Variants in MMP28 observed in about 807,000 individuals in gnomAD.
The protein encoded by MMP28 is matrix metalloproteinase-28.
Under a neutral mutation model 60.5 loss-of-function variants are expected in MMP28, and 55 were observed. That is an observed-to-expected ratio of 0.91 (90% CI 0.73 to 1.14). MMP28 has a LOEUF of 1.14. MMP28 is among the 50% of genes most tolerant of loss of function. The pLI is 0.00. For missense variants in MMP28, 686 were observed against 738.3 expected (o/e 0.93, Z 0.82); for synonymous variants, 318 against 312.5 (o/e 1.02, Z -0.18).
chr17:35,774,435 T>C (rs569379127), intron 3 of MMP28, among the ~76,000 whole-genome samples: 7 of 152,268 alleles, frequency 4.6e-5, no homozygotes, highest in South Asian at 2.1e-4. Context: ...AATGAGTAAG[T>C]AGCTGAGGCA....
intron 1 of MMP28, among the ~76,000 whole-genome samples, chr17:35,787,706 C>G (rs1276884872): frequency 1.3e-5 from 2 of 152,118 alleles, no homozygotes; most frequent in Non-Finnish European, 2.9e-5. Context: ...CCAGGCTGGT[C>G]TCAAACTCCT....
chr17:35,759,638 T>C (rs1598402402), intron 2 of MMP28, among the ~76,000 whole-genome samples: 1 of 151,940 alleles, frequency 6.6e-6, no homozygotes, highest in African/African-American at 2.4e-5. Context: ...GAGGCAGAGG[T>C]TGCAGTGAGC....
intron 1 of MMP28, among the ~76,000 whole-genome samples, chr17:35,788,605 A>G (rs2086723118): frequency 6.6e-6 from 1 of 152,140 alleles, no homozygotes; most frequent in African/African-American, 2.4e-5. Flanking sequence ...TTTCTGACTC[A>G]CAAAAAGTCA....
At chr17:35,775,359 C>T (rs1555607336) in intron 3 of MMP28, among the ~76,000 whole-genome samples, 1 of 152,228 alleles carries the variant, frequency 6.6e-6, no homozygotes, top group Non-Finnish European at 1.5e-5. Context: ...ACCCAAACTC[C>T]TGGCCAGGGA....
At chr17:35,767,088 TGTCTA>T in intron 7 of MMP28, 194 bp from the exon 8 acceptor site, 2 of 717,350 alleles carry the variant, frequency 2.8e-6, no homozygotes, top group Non-Finnish European at 5.0e-6. Context: ...TATTATTTAT[TGTCTA>T]GACTCCCAGC....
chr17:35,770,224 C>T lies in MMP28; in HGVS notation c.693G>A (p.Gly231=). ...GCGCCAGCACCACGAACAGGTTGCG[C>T]CCGCGGCGGCGGCTCAGGGACCAGC... ...DERWSLSRRR[G]RNLFVVLAHE... is the part of the protein sequence containing the mutation. The change falls in exon 5 of 8, where the codon GGG becomes GGA. Residue 231 remains glycine, a synonymous_variant. Coordinates refer to ENST00000605424, the MANE Select transcript of MMP28 (RefSeq NM_024302.5). 6.3e-7 allele frequency: 1 copy of T among 1,596,414 alleles called. No homozygotes were observed.
chr17:35,768,151 C>A, intron 6 of MMP28, 79 bp downstream of exon 6: 1 of 1,500,172 alleles, frequency 6.7e-7, no homozygotes. Context: ...TCCATCCCCC[C>A]AACTTGTACT....
chr17:35,776,163 C>T (rs554998627), intron 3 of MMP28, among the ~76,000 whole-genome samples: 9 of 150,716 alleles, frequency 6.0e-5, no homozygotes, highest in African/African-American at 2.0e-4. Context: ...TGTGAGCCAC[C>T]GCGCCCAGGC....
At chr17:35,760,990 C>T (rs1555601393), downstream of MMP28, 8 of 1,602,392 alleles carry the variant, frequency 5.0e-6, no homozygotes, top group Admixed American at 6.8e-5. Context: ...GGCTGGAGGA[C>T]AGGACCTCTT....
At chr17:35,791,354 T>C (rs576657471) in intron 1 of MMP28, among the ~76,000 whole-genome samples, 29 of 151,772 alleles carry the variant, frequency 1.9e-4, no homozygotes, top group South Asian at 8.4e-4. Context: ...CTGGGCAACA[T>C]GGGGAGACCT....
chr17:35,784,741 C>A (rs2086601914), intron 1 of MMP28, among the ~76,000 whole-genome samples: 1 of 152,176 alleles, frequency 6.6e-6, no homozygotes, highest in African/African-American at 2.4e-5. Flanking sequence ...TCCTTCTAGG[C>A]TTCCATTGTC....
At chr17:35,767,310 A>C (rs569875914) in intron 7 of MMP28, among the ~76,000 whole-genome samples, 1 of 152,358 alleles carries the variant, frequency 6.6e-6, no homozygotes, top group South Asian at 2.1e-4. Context: ...CCTAAGTATT[A>C]ACATGTATCT....
Position 35,779,029 on chromosome 17 carries a change from G to A in MMP28, c.238C>T (p.Arg80Cys), listed in dbSNP as rs373463098. 2.0e-5 allele frequency: 32 copies of A among 1,614,004 alleles called. No individual in the cohort carries two copies. Among genetic ancestry groups the A allele is most frequent in the East Asian group, 4.5e-5 (2 of 44,876 alleles). ...CGAGTCATCTGGCGCAGGGTGGCGCGGTCCAACACGCCGCTGACAGGTAGC... is the reference window on the plus strand; with the variant it reads ...CGAGTCATCTGGCGCAGGGTGGCGCAGTCCAACACGCCGCTGACAGGTAGC... ...SQLPVSGVLD[R>C]ATLRQMTRPR... The change falls in exon 3 of 8, where the codon CGC (arginine) becomes TGC (cysteine). Residue 80 changes from arginine to cysteine, a missense_variant. Coordinates refer to ENST00000605424, the MANE Select transcript of MMP28 (RefSeq NM_024302.5).
chr17:35,773,226 G>A lies in MMP28; in HGVS notation c.558C>T (p.Phe186=), dbSNP rs2086217090. 6.2e-7 allele frequency: 1 copy of A among 1,614,078 alleles called. No individual in the cohort carries two copies. The highest frequency in any genetic ancestry group is 8.5e-7 in the Non-Finnish European group (1 of 1,179,908). ...CCAGCCCATCGTTGTGGTCCCCTTG[G>A]AAGAAGGTGAGCCGGATGTCAGCGG... ...TGPADIRLTF[F]QGDHNDGLGN... Residue 186 remains phenylalanine (F), a synonymous_variant, in exon 4 of 8, where the codon TTC becomes TTT. Coordinates refer to ENST00000605424, the MANE Select transcript of MMP28 (RefSeq NM_024302.5).
At position 35,768,255 on chromosome 17, in the gene MMP28, G is replaced by T; in HGVS notation, c.975C>A (p.His325Gln). 1 of 1,610,008 alleles carries T rather than the reference G, an allele frequency of 6.2e-7. No individual in the cohort carries two copies. Among genetic ancestry groups the T allele is most frequent in the Admixed American group, 1.7e-5 (1 of 58,734 alleles). Reference sequence around the variant, plus strand: ...CTACAGTGATGGCATCGAAGGAAGAGTGGCAGTATTTAGGGCCCTGCGTTT... The same window carrying T: ...CTACAGTGATGGCATCGAAGGAAGATTGGCAGTATTTAGGGCCCTGCGTTT... The part of the protein sequence containing the change: ...RPETQGPKYC[H>Q]SSFDAITVDR... Residue 325 changes from histidine (H) to glutamine (Q), a missense_variant, in exon 6 of 8, where the codon CAC becomes CAA. Coordinates refer to ENST00000605424, the MANE Select transcript of MMP28 (RefSeq NM_024302.5).
chr17:35,769,322 A>G (rs1016658185), intron 5 of MMP28, among the ~76,000 whole-genome samples: 48 of 152,242 alleles, frequency 3.2e-4, no homozygotes, highest in Non-Finnish European at 6.5e-4. Flanking sequence ...GCTACAAAGC[A>G]TGCTCATACC....
chr17:35,778,509 T>C (rs1055579761), intron 3 of MMP28: 1 of 322,464 alleles, frequency 3.1e-6, no homozygotes, highest in Non-Finnish European at 5.8e-6. Flanking sequence ...AGTAAATCAA[T>C]AGATCACACA....
chr17:35,776,020 A>AC (rs930628884), intron 3 of MMP28, among the ~76,000 whole-genome samples: 4 of 149,702 alleles, frequency 2.7e-5, no homozygotes, highest in African/African-American at 9.9e-5. Context: ...GACTACAGGC[A>AC]CCCCCCACCA....
intron 1 of MMP28, among the ~76,000 whole-genome samples, chr17:35,780,408 CT>C (rs1490385407): frequency 1.3e-5 from 2 of 152,180 alleles, no homozygotes; most frequent in Non-Finnish European, 2.9e-5. Flanking sequence ...AACAAATGCA[CT>C]TACCACTAAC....
Sources: allele counts gnomAD v4.1 joint callset (sites outside exome capture counted in the v4.1 genomes callset), GRCh38; gene constraint gnomAD v4.1.1; transcripts MANE v1.5; gene names NCBI Gene and HGNC (gene_info 2026-07-23, HGNC 2026-07-21).